The following RYR3 variants were observed in gnomAD, a reference collection of about 807,000 sequenced individuals.
The protein encoded by RYR3 is ryanodine receptor 3.
In RYR3, 207 loss-of-function variants were observed where a neutral mutation model predicts 584.3. The observed-to-expected ratio is 0.35, with a 90% CI of 0.32 to 0.40. The LOEUF (loss-of-function observed/expected upper bound fraction) is 0.40. Among genes scored for constraint, RYR3 ranks in the 10% least tolerant of loss-of-function variants. The probability of loss-of-function intolerance (pLI) is 1.00; values close to 1 mark genes in which losing one functional copy is unlikely to be tolerated. For missense variants in RYR3, 5,616 were observed against 6,089.2 expected (o/e 0.92, Z 2.59); for synonymous variants, 2,416 against 2,248.5 (o/e 1.07, Z -2.11).
intron 1 of RYR3, among the ~76,000 whole-genome samples, chr15:33,331,862 C>T (rs1970413286): frequency 6.6e-6 from 1 of 151,774 alleles, no homozygotes; most frequent in Admixed American, 6.6e-5. Flanking sequence ...CAGTATGTAT[C>T]CAAAATTTTG....
intron 39 of RYR3, 144 bp from the exon 40 acceptor site, chr15:33,697,738 C>G: frequency 1.7e-6 from 1 of 574,334 alleles, no homozygotes; most frequent in Admixed American, 2.9e-5. Flanking sequence ...TATATTCCAG[C>G]TGAACTAGTG....
In RYR3 at chr15:33,838,591, G is replaced by A. The variant is rs760331485; in HGVS notation, c.12611G>A (p.Gly4204Glu). The A allele has an allele frequency of 4.3e-6, 7 of 1,613,968 alleles. No homozygotes were observed. The highest frequency in any genetic ancestry group is 5.9e-6 in the Non-Finnish European group (7 of 1,179,866). The change falls in exon 89 of 104, where the codon GGA becomes GAA. Residue 4204 changes from glycine (G) to glutamate (E), a missense_variant. Transcript: ENST00000634891. ...GLFQLLFTIL[G>E]GIFQILWSTV... is the part of the protein sequence containing the mutation. ...TTCCAGTTGCTCTTCACCATCCTGG[G>A]AGGAATCTTTCAGATCCTCTGGAGC...
At chr15:33,776,417 G>C (rs894271225) in intron 64 of RYR3, among the ~76,000 whole-genome samples, 1 of 152,174 alleles carries the variant, frequency 6.6e-6, no homozygotes, top group Non-Finnish European at 1.5e-5. Flanking sequence ...GCATTTGATG[G>C]GGGTTATTCA....
chr15:33,438,551 T>G (rs1338450170), intron 1 of RYR3, among the ~76,000 whole-genome samples: 1 of 152,210 alleles, frequency 6.6e-6, no homozygotes, highest in Non-Finnish European at 1.5e-5. Flanking sequence ...TCAGCTATTC[T>G]TGCTCCTTTT....
At chr15:33,367,279 A>G (rs573281557) in intron 1 of RYR3, among the ~76,000 whole-genome samples, 2 of 152,342 alleles carry the variant, frequency 1.3e-5, no homozygotes, top group East Asian at 3.9e-4. Context: ...AAAAGACTAT[A>G]GTGACCTCAA....
chr15:33,821,263 C>T lies in RYR3; in HGVS notation c.10816-7C>T, dbSNP rs775892305. The T allele has an allele frequency of 6.3e-7, 1 of 1,583,536 alleles. No individual in the cohort carries two copies. Among genetic ancestry groups the T allele is most frequent in the Non-Finnish European group, 8.6e-7 (1 of 1,164,816 alleles). On this transcript the variant is annotated splice_polypyrimidine_tract_variant and splice_region_variant and intron_variant, in intron 78 of 103. Coordinates refer to ENST00000634891, the MANE Select transcript of RYR3 (RefSeq NM_001036.6). Reference sequence around the variant, plus strand: ...CAATCTTTCCCTGTGATTTTTTTTCCCCCCAGGAGAAAGAGATGGAGAAGC... The same window carrying T: ...CAATCTTTCCCTGTGATTTTTTTTCTCCCCAGGAGAAAGAGATGGAGAAGC...
rs1314283337 is a variant in RYR3, at chr15:33,603,200, A to G, written c.2000A>G (p.Asp667Gly). Reference sequence around the variant, plus strand: ...AAGTGGTACTTCGAGCTGATTATCGACCAGGTGGACCCCTTCCTAACAGCA... The same window carrying G: ...AAGTGGTACTTCGAGCTGATTATCGGCCAGGTGGACCCCTTCCTAACAGCA... ...YKKWYFELII[D>G]QVDPFLTAEP... is the part of the protein sequence containing the mutation. Residue 667 changes from aspartate to glycine, a missense_variant, in exon 18 of 104, where the codon GAC becomes GGC. Transcript: ENST00000634891. The G allele has an allele frequency of 1.5e-5, 25 of 1,613,722 alleles. No homozygotes were observed. Among genetic ancestry groups the G allele is most frequent in the Non-Finnish European group, 2.0e-5 (24 of 1,179,848 alleles).
intron 19 of RYR3, among the ~76,000 whole-genome samples, chr15:33,614,218 T>G (rs1442992739): frequency 2.0e-5 from 3 of 152,220 alleles, no homozygotes; most frequent in Non-Finnish European, 4.4e-5. Context: ...CTACGGCTTG[T>G]GAATATTTAT....
At chr15:33,778,194 TAAAG>T (rs902034238) in intron 64 of RYR3, among the ~76,000 whole-genome samples, 2 of 151,788 alleles carry the variant, frequency 1.3e-5, no homozygotes, top group African/African-American at 4.8e-5. Context: ...AATAAATAAA[TAAAG>T]CTATCAGATT....
chr15:33,554,997 A>G (rs988699633), intron 10 of RYR3, among the ~76,000 whole-genome samples: 2 of 152,202 alleles, frequency 1.3e-5, no homozygotes, highest in African/African-American at 4.8e-5. Context: ...ATCTTGAATG[A>G]TTGGGATAGA....
chr15:33,551,577 A>G (rs2056676359), intron 10 of RYR3, among the ~76,000 whole-genome samples: 1 of 152,152 alleles, frequency 6.6e-6, no homozygotes, highest in Admixed American at 6.5e-5. Context: ...ATTGCCCTAT[A>G]TCAGAATTGG....
At position 33,555,524 on chromosome 15, in the gene RYR3, A is replaced by G. The variant is rs542578945; in HGVS notation, c.972+5208A>G. Among the ~76,000 whole-genome samples, 4 of 152,342 alleles carry G rather than the reference A, an allele frequency of 2.6e-5. No individual in the cohort carries two copies. The East Asian group carries it at 7.7e-4, about 29-fold the overall frequency. ...TTCAAAGTGGACCAAATAGAGAGTC[A>G]GTCAAGGAAAACCTTGGGCTTCGAA... On this transcript the variant is annotated intron_variant, in intron 10 of 103. Transcript: ENST00000634891.
chr15:33,433,491 T>C (rs1301219331), intron 1 of RYR3, among the ~76,000 whole-genome samples: 1 of 151,762 alleles, frequency 6.6e-6, no homozygotes, highest in Non-Finnish European at 1.5e-5. Context: ...GAAGTAATGA[T>C]ACACTCAAAG....
intron 83 of RYR3, 105 bp downstream of exon 83, chr15:33,826,374 G>A: frequency 1.7e-6 from 2 of 1,168,716 alleles, no homozygotes; most frequent in Non-Finnish European, 2.6e-6. Context: ...GTTGCATGTT[G>A]AGTTGAACTC....
intron 16 of RYR3, among the ~76,000 whole-genome samples, chr15:33,589,666 A>G (rs2059028939): frequency 6.6e-6 from 1 of 152,164 alleles, no homozygotes; most frequent in Non-Finnish European, 1.5e-5. Flanking sequence ...TCCCATTTTC[A>G]TTCTTCTGCA....
intron 19 of RYR3, among the ~76,000 whole-genome samples, chr15:33,617,283 G>A (rs559777144): frequency 0.013 from 2,034 of 152,062 alleles, 22 homozygotes; most frequent in Middle Eastern, 0.051. Context: ...GTGGTGGCAG[G>A]CGCCTGTAGT....
intron 36 of RYR3, among the ~76,000 whole-genome samples, chr15:33,666,825 CCTG>C (rs2063517454): frequency 6.6e-6 from 1 of 152,166 alleles, no homozygotes; most frequent in African/African-American, 2.4e-5. Context: ...AAGGGCATGA[CCTG>C]CAGTGGAAAA....
intron 1 of RYR3, among the ~76,000 whole-genome samples, chr15:33,343,522 C>T (rs1241125634): frequency 1.3e-5 from 2 of 152,126 alleles, no homozygotes; most frequent in African/African-American, 4.8e-5. Flanking sequence ...CCCAGATGCT[C>T]TCACTTTACT....
intron 1 of RYR3, among the ~76,000 whole-genome samples, chr15:33,453,085 G>A (rs960931821): frequency 3.3e-5 from 5 of 152,132 alleles, no homozygotes; most frequent in African/African-American, 1.2e-4. Context: ...AGGGGCAGCA[G>A]CCTGAACTGC....
Sources: allele counts gnomAD v4.1 joint callset (sites outside exome capture counted in the v4.1 genomes callset), GRCh38; gene constraint gnomAD v4.1.1; transcripts MANE v1.5; gene names NCBI Gene and HGNC (gene_info 2026-07-23, HGNC 2026-07-21).